The following CATSPERB variants were observed in gnomAD, a reference collection of about 807,000 sequenced individuals.
The protein encoded by CATSPERB is catsper channel auxiliary subunit beta.
A neutral mutation model predicts 128.3 loss-of-function variants in CATSPERB; 93 were observed. That is an observed-to-expected ratio of 0.72 (90% CI 0.61 to 0.86). The LOEUF (loss-of-function observed/expected upper bound fraction) is 0.86. CATSPERB is among the 40% of genes least tolerant of loss of function. The pLI is 0.00. For missense variants in CATSPERB, 1,153 were observed against 1,329.5 expected, an observed-to-expected ratio of 0.87 and a Z score of 2.06; for synonymous variants, 381 against 448.8, an observed-to-expected ratio of 0.85 and a Z score of 1.91.
intron 26 of CATSPERB, among the ~76,000 whole-genome samples, chr14:91,583,792 T>C (rs1321906692): frequency 1.3e-5 from 2 of 152,194 alleles, no homozygotes; most frequent in Non-Finnish European, 2.9e-5. Context: ...CTTTTTTTTT[T>C]CTTCAGTTAT....
At chr14:91,692,882 T>C (rs1895495128) in intron 9 of CATSPERB, among the ~76,000 whole-genome samples, 1 of 152,190 alleles carries the variant, frequency 6.6e-6, no homozygotes, top group Non-Finnish European at 1.5e-5. Flanking sequence ...AGATCTTTTC[T>C]GCATGTATAC....
intron 14 of CATSPERB, among the ~76,000 whole-genome samples, chr14:91,666,217 C>T (rs1894980663): frequency 6.6e-6 from 1 of 152,216 alleles, no homozygotes; most frequent in Non-Finnish European, 1.5e-5. Context: ...AACCAGGGCC[C>T]TCAGCAAGGA....
intron 7 of CATSPERB, among the ~76,000 whole-genome samples, chr14:91,698,512 T>C (rs1424672158): frequency 6.6e-6 from 1 of 152,172 alleles, no homozygotes; most frequent in African/African-American, 2.4e-5. Flanking sequence ...CAGTTCAGTA[T>C]AATGTTATCT....
At chr14:91,650,802 A>G (rs1415866794) in intron 15 of CATSPERB, among the ~76,000 whole-genome samples, 2 of 152,098 alleles carry the variant, frequency 1.3e-5, no homozygotes, top group African/African-American at 4.8e-5. Flanking sequence ...ATCACTAGAA[A>G]TCCCTACAAT....
chr14:91,621,778 G>A lies in CATSPERB; in HGVS notation c.2090C>T (p.Thr697Ile). The A allele has an allele frequency of 1.9e-6, 3 of 1,614,112 alleles. No individual in the cohort carries two copies. Among genetic ancestry groups the A allele is most frequent in the Non-Finnish European group, 2.5e-6 (3 of 1,180,004 alleles). Reference protein sequence around the residue: ...APNNMTFLKSTWFLYNFGQRN... With the variant: ...APNNMTFLKSIWFLYNFGQRN... Reference sequence around the variant, plus strand: ...TTGCCCAAAGTTGTATAAGAACCATGTGCTCTTTAGAAAGGTCATATTGTT... The same window carrying A: ...TTGCCCAAAGTTGTATAAGAACCATATGCTCTTTAGAAAGGTCATATTGTT... The change falls in exon 19 of 27, where the codon ACA becomes ATA. Residue 697 changes from threonine to isoleucine, a missense_variant. Transcript: ENST00000256343.
chr14:91,690,375 C>T (rs1225175306), intron 10 of CATSPERB, among the ~76,000 whole-genome samples: 2 of 150,868 alleles, frequency 1.3e-5, no homozygotes, highest in Non-Finnish European at 2.9e-5. Context: ...ATTCTAGACA[C>T]TGGGATCTAG....
intron 17 of CATSPERB, among the ~76,000 whole-genome samples, chr14:91,634,532 G>T (rs183725933): frequency 5.4e-4 from 82 of 151,488 alleles, no homozygotes; most frequent in Non-Finnish European, 8.4e-4. Flanking sequence ...CAAAGGAAAA[G>T]AAGTCATTAT....
chr14:91,604,422 T>G, intron 22 of CATSPERB: 1 of 1,249,762 alleles, frequency 8.0e-7, no homozygotes, highest in Non-Finnish European at 1.2e-6. Flanking sequence ...TCAGGTTGCA[T>G]GTTCGTGGAG....
intron 1 of CATSPERB, among the ~76,000 whole-genome samples, chr14:91,731,240 C>T (rs769572872): frequency 6.6e-6 from 1 of 152,182 alleles, no homozygotes; most frequent in African/African-American, 2.4e-5. Flanking sequence ...TGCAAGCTTT[C>T]TTATCTGCCA....
chr14:91,686,016 T>C (rs901772704), intron 10 of CATSPERB, among the ~76,000 whole-genome samples: 14 of 152,236 alleles, frequency 9.2e-5, no homozygotes, highest in African/African-American at 3.4e-4. Flanking sequence ...AGGGATCTTA[T>C]ACTTCCTATT....
At chr14:91,591,302 G>A (rs568863685) in intron 23 of CATSPERB, among the ~76,000 whole-genome samples, 1 of 151,942 alleles carries the variant, frequency 6.6e-6, no homozygotes, top group Non-Finnish European at 1.5e-5. Flanking sequence ...TGATCCACCG[G>A]CGTTGGCCTC....
intron 17 of CATSPERB, among the ~76,000 whole-genome samples, chr14:91,626,897 G>C (rs950116763): frequency 6.6e-6 from 1 of 152,198 alleles, no homozygotes; most frequent in Admixed American, 6.5e-5. Context: ...AGAGAAAATT[G>C]ATAAATTTCT....
In CATSPERB at chr14:91,639,095, C is replaced by A. The variant is rs866005934; in HGVS notation, c.1587+1G>T. Reference sequence around the variant, plus strand: ...ACTGTTTCAATGCATTATATACTGACCTGTCCAAAAAGATTTCTAGAATTT... The same window carrying A: ...ACTGTTTCAATGCATTATATACTGAACTGTCCAAAAAGATTTCTAGAATTT... On this transcript the variant is annotated splice_donor_variant, in intron 16 of 26. Coordinates refer to ENST00000256343, the MANE Select transcript of CATSPERB (RefSeq NM_024764.4). LOFTEE classifies it high-confidence loss of function. 6.2e-7 allele frequency: 1 copy of A among 1,613,536 alleles called. No homozygotes were observed. Among genetic ancestry groups the A allele is most frequent in the Non-Finnish European group, 8.5e-7 (1 of 1,179,740 alleles).
intron 10 of CATSPERB, among the ~76,000 whole-genome samples, chr14:91,685,142 G>C (rs1415124768): frequency 6.6e-6 from 1 of 152,146 alleles, no homozygotes; most frequent in African/African-American, 2.4e-5. Context: ...GCCCAGGCTA[G>C]TCTAGAGCTC....
rs143271307 is a variant in CATSPERB at position 91,605,602 on chromosome 14, C to T, written c.2709+2692G>A. 1.6e-3 allele frequency among the ~76,000 whole-genome samples: 251 copies of T among 152,290 alleles called. 4 individuals are homozygous for T. The East Asian group carries it at 0.031, about 19-fold the overall frequency. ...AGGGCCTGCTGTCCCCAAACTCTTT[C>T]GCTGGCTCATTATGTTCCAGGCTGA... is the stretch of plus-strand genomic sequence containing the variant. On this transcript the variant is annotated intron_variant, in intron 22 of 26. Transcript: ENST00000256343.
chr14:91,719,387 G>C (rs17783516), intron 5 of CATSPERB, 31 bp downstream of exon 5: 1 of 1,459,330 alleles, frequency 6.9e-7, no homozygotes, highest in East Asian at 2.4e-5. Flanking sequence ...CCAGACCCAG[G>C]GGTAAAAGAA....
At chr14:91,633,970 G>C (rs1894322796) in intron 17 of CATSPERB, among the ~76,000 whole-genome samples, 1 of 151,728 alleles carries the variant, frequency 6.6e-6, no homozygotes, top group Non-Finnish European at 1.5e-5. Context: ...AAACATTAAG[G>C]AAAAAACAAA....
intron 13 of CATSPERB, among the ~76,000 whole-genome samples, chr14:91,671,848 C>T (rs1285657): frequency 0.93 from 140,601 of 151,880 alleles, 65,181 homozygotes; most frequent in African/African-American, 0.97. Context: ...TGAAACCCTG[C>T]CTCTACTAAA....
intron 22 of CATSPERB, chr14:91,604,336 G>A: frequency 1.3e-6 from 1 of 774,832 alleles, no homozygotes; most frequent in Non-Finnish European, 2.3e-6. Context: ...AGGGATGGGA[G>A]GAGGGGAGAG....
Sources: gnomAD v4.1 joint callset for allele counts (sites outside exome capture counted in the v4.1 genomes callset) on GRCh38, gnomAD v4.1.1 for gene constraint, MANE v1.5 for transcripts, NCBI Gene and HGNC (gene_info 2026-07-23, HGNC 2026-07-21) for gene names.